FSTL4: variants seen among roughly 807,000 people sequenced by gnomAD.
FSTL4 encodes follistatin like 4.
In FSTL4, 28 loss-of-function variants were observed where a neutral mutation model predicts 78.2. The observed-to-expected ratio is 0.36, with a 90% CI of 0.27 to 0.49. The LOEUF (loss-of-function observed/expected upper bound fraction) is 0.49. Ranked by LOEUF, FSTL4 falls within the 20% of genes least tolerant of loss-of-function variation. The pLI, the probability that FSTL4 is intolerant of heterozygous loss-of-function variation, is 0.98. For synonymous variants in FSTL4, 422 were observed against 440.5 expected (o/e 0.96, Z 0.53); for missense variants, 922 against 1,084.9 (o/e 0.85, Z 2.11).
chr5:133,614,526 A>G (rs568286470), upstream of FSTL4, among the ~76,000 whole-genome samples: 1 of 152,346 alleles, frequency 6.6e-6, no homozygotes, highest in East Asian at 1.9e-4. Context: ...ATGACAAAAT[A>G]AAACAAGGCT....
chr5:133,488,636 T>A (rs1011628551), intron 3 of FSTL4, among the ~76,000 whole-genome samples: 25 of 152,246 alleles, frequency 1.6e-4, no homozygotes, highest in African/African-American at 6.0e-4. Context: ...ATCATGTTTA[T>A]CTCTAGATGA....
At chr5:133,592,202 G>A (rs369718553) in intron 2 of FSTL4, among the ~76,000 whole-genome samples, 2 of 152,080 alleles carry the variant, frequency 1.3e-5, no homozygotes, top group South Asian at 2.1e-4. Context: ...AAATTCTCAC[G>A]TCACCCACGG....
At chr5:133,619,121 G>A in the FSTL4 span, among the ~76,000 whole-genome samples, 3 of 152,144 alleles carry the variant, frequency 2.0e-5, no homozygotes, top group Non-Finnish European at 2.9e-5. Context: ...GCTGGCTGAG[G>A]AGAGGTGAGA....
the FSTL4 span, among the ~76,000 whole-genome samples, chr5:133,655,315 C>A: frequency 6.6e-6 from 1 of 152,186 alleles, no homozygotes; most frequent in African/African-American, 2.4e-5. Context: ...CTAGCTATCC[C>A]AGTCCATCTG....
intron 3 of FSTL4, among the ~76,000 whole-genome samples, chr5:133,424,377 A>C (rs1355603603): frequency 2.0e-5 from 3 of 152,178 alleles, no homozygotes; most frequent in East Asian, 3.9e-4. Flanking sequence ...AGAGCACTTG[A>C]GAGAGACACA....
At chr5:133,564,451 A>T (rs1759983484) in intron 3 of FSTL4, among the ~76,000 whole-genome samples, 1 of 152,244 alleles carries the variant, frequency 6.6e-6, no homozygotes, top group African/African-American at 2.4e-5. Context: ...GGGAAGGGCC[A>T]GAATGAAAAG....
At chr5:133,625,771 CATAT>C in the FSTL4 span, among the ~76,000 whole-genome samples, 1 of 9,676 alleles carries the variant, frequency 1.0e-4, no homozygotes, top group African/African-American at 1.0e-3. Flanking sequence ...ATATATATTC[CATAT>C]ATATATATTC....
intron 3 of FSTL4, among the ~76,000 whole-genome samples, chr5:133,463,820 A>G (rs933625574): frequency 6.6e-6 from 1 of 152,214 alleles, no homozygotes; most frequent in African/African-American, 2.4e-5. Flanking sequence ...TGAATCAATT[A>G]CTAAATGAAG....
chr5:133,457,124 A>AAAG (rs1273635684), intron 3 of FSTL4, among the ~76,000 whole-genome samples: 4 of 152,162 alleles, frequency 2.6e-5, no homozygotes, highest in Non-Finnish European at 5.9e-5. Flanking sequence ...AGAAAAAAAA[A>AAAG]AAGAAGAAGA....
the FSTL4 span, among the ~76,000 whole-genome samples, chr5:133,713,322 A>T: frequency 1.3e-5 from 2 of 152,246 alleles, no homozygotes; most frequent in African/African-American, 4.8e-5. Context: ...AACCCATAAA[A>T]AAGCAAAGCA....
At chr5:133,220,046 C>A (rs1223073996) in intron 12 of FSTL4, among the ~76,000 whole-genome samples, 2 of 152,252 alleles carry the variant, frequency 1.3e-5, no homozygotes, top group Non-Finnish European at 2.9e-5. Flanking sequence ...GCTTTAGGAA[C>A]TTGCCTGGGC....
At chr5:133,840,027 T>C in the FSTL4 span, among the ~76,000 whole-genome samples, 64 of 152,268 alleles carry the variant, frequency 4.2e-4, no homozygotes, top group South Asian at 0.012. Context: ...GGAGAGCAAG[T>C]TGGTTTGATG....
At chr5:133,794,573 C>A in the FSTL4 span, among the ~76,000 whole-genome samples, 1 of 152,212 alleles carries the variant, frequency 6.6e-6, no homozygotes, top group Non-Finnish European at 1.5e-5. Flanking sequence ...GGAATCAAGG[C>A]AGCATTGGTA....
chr5:133,587,220 G>A (rs1163147911), intron 2 of FSTL4, among the ~76,000 whole-genome samples: 2 of 19,492 alleles, frequency 1.0e-4, no homozygotes, highest in African/African-American at 3.9e-4. Flanking sequence ...TTGAAAACTG[G>A]CACAACACAG....
chr5:133,836,893 T>A, the FSTL4 span, among the ~76,000 whole-genome samples: 1 of 152,200 alleles, frequency 6.6e-6, no homozygotes, highest in African/African-American at 2.4e-5. Context: ...GTTCCTTGAT[T>A]TTCAGTCGTT....
the FSTL4 span, among the ~76,000 whole-genome samples, chr5:133,683,097 G>A: frequency 2.7e-5 from 4 of 145,466 alleles, no homozygotes; most frequent in African/African-American, 1.0e-4. Flanking sequence ...ATATTTTCCC[G>A]AGTATTTTCT....
chr5:133,364,631 T>G lies in FSTL4; in HGVS notation c.409+36107A>C, dbSNP rs150886604. Among the ~76,000 whole-genome samples, 623 of 152,370 alleles carry G rather than the reference T, an allele frequency of 4.1e-3. 9 individuals carry two copies. The highest frequency in any genetic ancestry group is 0.014 in the African/African-American group (594 of 41,596). ...TGGTACATTTTTTAAGCCACTTAAT[T>G]GAATCTGTGCCAGTAAATCTTTTAG... is the stretch of plus-strand genomic sequence containing the variant. On this transcript the variant is annotated intron_variant, in intron 4 of 15. Transcript: ENST00000265342.
chr5:133,205,144 T>G (rs746869175), intron 14 of FSTL4, among the ~76,000 whole-genome samples: 2 of 152,250 alleles, frequency 1.3e-5, no homozygotes, highest in Admixed American at 1.3e-4. Flanking sequence ...GTAGTCTTTA[T>G]TATATTTAAA....
chr5:133,459,063 C>T (rs1757545609), intron 3 of FSTL4, among the ~76,000 whole-genome samples: 1 of 152,132 alleles, frequency 6.6e-6, no homozygotes, highest in South Asian at 2.1e-4. Flanking sequence ...CTCCAACAGA[C>T]CCCACCTGCC....
Sources: allele counts gnomAD v4.1 joint callset (sites outside exome capture counted in the v4.1 genomes callset), GRCh38; gene constraint gnomAD v4.1.1; transcripts MANE v1.5; gene names NCBI Gene and HGNC (gene_info 2026-07-23, HGNC 2026-07-21).